ZNF184: variants seen among roughly 807,000 people sequenced by gnomAD.
The protein encoded by ZNF184 is zinc finger protein 184 (Kruppel-like).
In ZNF184, 16 loss-of-function variants were observed where a neutral mutation model predicts 54.4. That is an observed-to-expected ratio of 0.29 (90% CI 0.20 to 0.45). The LOEUF (loss-of-function observed/expected upper bound fraction) is 0.45, where lower values mean the gene tolerates loss of function less well. Ranked by LOEUF, ZNF184 falls within the 20% of genes least tolerant of loss-of-function variation. The probability of loss-of-function intolerance (pLI) is 1.00; values close to 1 mark genes in which losing one functional copy is unlikely to be tolerated. For missense variants in ZNF184, 681 were observed against 888.2 expected (o/e 0.77, Z 2.97); for synonymous variants, 254 against 295.3 (o/e 0.86, Z 1.43).
chr6:27,407,337 C>T, the ZNF184 span, among the ~76,000 whole-genome samples: 1 of 152,246 alleles, frequency 6.6e-6, no homozygotes, highest in South Asian at 2.1e-4. Flanking sequence ...GAGCCAGCTG[C>T]TCCCACACAC....
At chr6:27,459,850 T>C (rs1762954300) in intron 3 of ZNF184, among the ~76,000 whole-genome samples, 1 of 152,222 alleles carries the variant, frequency 6.6e-6, no homozygotes, top group South Asian at 2.1e-4. Flanking sequence ...TGTATATCTA[T>C]ACGTACTCAT....
chr6:27,423,964 A>G, the ZNF184 span, among the ~76,000 whole-genome samples: 5 of 152,298 alleles, frequency 3.3e-5, no homozygotes, highest in East Asian at 1.9e-4. Flanking sequence ...AAATTATTTT[A>G]TTAGTTGTTG....
At chr6:27,415,588 G>A in the ZNF184 span, among the ~76,000 whole-genome samples, 1 of 152,114 alleles carries the variant, frequency 6.6e-6, no homozygotes, top group African/African-American at 2.4e-5. Flanking sequence ...TTAGTCTCAG[G>A]TTGCCAAGGT....
At chr6:27,424,918 T>C in the ZNF184 span, among the ~76,000 whole-genome samples, 2 of 152,014 alleles carry the variant, frequency 1.3e-5, no homozygotes, top group African/African-American at 2.4e-5. Flanking sequence ...CAGGAGCCCA[T>C]GGAGGGGGTG....
the ZNF184 span, among the ~76,000 whole-genome samples, chr6:27,435,982 CTAAAT>C: frequency 6.7e-6 from 1 of 149,996 alleles, no homozygotes; most frequent in Non-Finnish European, 1.5e-5. Flanking sequence ...CTTAACGATC[CTAAAT>C]TAAAGAATAT....
chr6:27,459,438 A>G (rs1234588093), intron 3 of ZNF184, among the ~76,000 whole-genome samples: 1 of 152,126 alleles, frequency 6.6e-6, no homozygotes, highest in Admixed American at 6.5e-5. Flanking sequence ...AAGGCCAACA[A>G]CCCAAATAGG....
At chr6:27,408,059 T>C in the ZNF184 span, 1 of 852,526 alleles carries the variant, frequency 1.2e-6, no homozygotes, top group East Asian at 2.4e-5. Context: ...ATTGAATACT[T>C]TGATAATGCA....
chr6:27,469,278 G>T (rs747211439), intron 2 of ZNF184, among the ~76,000 whole-genome samples: 17 of 152,182 alleles, frequency 1.1e-4, no homozygotes, highest in Admixed American at 2.0e-4. Context: ...AAGACAAGAA[G>T]AATTTTCTCC....
At chr6:27,411,279 C>T in the ZNF184 span, among the ~76,000 whole-genome samples, 1 of 152,162 alleles carries the variant, frequency 6.6e-6, no homozygotes. Flanking sequence ...AATGAGTTCT[C>T]ATGATTTAAT....
intron 3 of ZNF184, among the ~76,000 whole-genome samples, chr6:27,464,385 T>C (rs1284764199): frequency 6.6e-6 from 1 of 152,084 alleles, no homozygotes; most frequent in Non-Finnish European, 1.5e-5. Context: ...GGAATGGAAA[T>C]ACACTATTCT....
chr6:27,406,193 T>C, the ZNF184 span: 2 of 152,188 alleles, frequency 1.3e-5, no homozygotes, highest in African/African-American at 4.8e-5. Flanking sequence ...TTGAGAAGAA[T>C]GCATTGGTCA....
In ZNF184 at chr6:27,472,453, G is replaced by A. The variant is rs145998198; in HGVS notation, c.-139-20C>T. 1 of 830,794 alleles carries A rather than the reference G, an allele frequency of 1.2e-6. No individual in the cohort carries two copies. The highest frequency in any genetic ancestry group is 1.7e-5 in the African/African-American group (1 of 59,206). 51.5% of individuals were successfully genotyped at this position (830,794 alleles called of 1,614,324 possible). A position where few individuals can be genotyped will look rare whatever the true frequency, so the allele number is the denominator to read the frequency against. ...TCTACCCTAAAAGACACAGGATGGCGTCAGCAGCATACGTCACACAATCAC... is the reference window on the plus strand; with the variant it reads ...TCTACCCTAAAAGACACAGGATGGCATCAGCAGCATACGTCACACAATCAC... On this transcript the variant is annotated intron_variant, in intron 1 of 5. Transcript: ENST00000683788. This position sits in a 1 kb window ranked among gnomAD's most constrained non-coding sequence, Gnocchi z 4.8.
At chr6:27,446,145 A>G (rs13195040), downstream of ZNF184, among the ~76,000 whole-genome samples, 13,121 of 152,312 alleles carry the variant, frequency 0.086, 709 homozygotes, top group African/African-American at 0.14. Context: ...GGAGATAAAC[A>G]TGGACAAAAG....
In ZNF184 at chr6:27,452,826, TATG is replaced by T; in HGVS notation, c.730_732del (p.His244del). On this transcript the variant is annotated inframe_deletion, in exon 6 of 6. Transcript: ENST00000683788. The surrounding 1 kb of genome is among the most constrained non-coding windows in gnomAD (Gnocchi z 5.5). ...TTACATTTGTAGGGTTTTTCTCCAG[TATG>T]TGTTCTCTGATGGCGAATAAGAGCT... The T allele has an allele frequency of 1.2e-6, 2 of 1,613,956 alleles. No individual in the cohort carries two copies. Among genetic ancestry groups the T allele is most frequent in the Non-Finnish European group, 1.7e-6 (2 of 1,179,970 alleles).
At chr6:27,456,415 T>A (rs918872068) in intron 5 of ZNF184, among the ~76,000 whole-genome samples, 2 of 152,112 alleles carry the variant, frequency 1.3e-5, no homozygotes, top group Non-Finnish European at 2.9e-5. Flanking sequence ...TATTGTGGAG[T>A]AAATCTATTT....
chr6:27,461,889 C>A lies in ZNF184; in HGVS notation c.76-4480G>T, dbSNP rs145831016. Among the ~76,000 whole-genome samples, 16 of 152,324 alleles carry A rather than the reference C, an allele frequency of 1.1e-4. No individual in the cohort carries two copies. The South Asian group carries it at 1.2e-3, about 12-fold the overall frequency. On this transcript the variant is annotated intron_variant, in intron 3 of 5. Transcript: ENST00000683788. ...AAGCAAGGAAAACTGCAGAGGTTCC[C>A]TCTTGAGTATTCAGAAAAGTACCAA...
chr6:27,427,915 C>T, the ZNF184 span, among the ~76,000 whole-genome samples: 1 of 152,202 alleles, frequency 6.6e-6, no homozygotes, highest in Admixed American at 6.5e-5. Context: ...AATTACCTCA[C>T]CATCTATACC....
chr6:27,423,590 A>G, the ZNF184 span, among the ~76,000 whole-genome samples: 1 of 151,784 alleles, frequency 6.6e-6, no homozygotes, highest in African/African-American at 2.4e-5. Context: ...TGTTCTCAGC[A>G]ATACGCACAA....
chr6:27,411,204 G>A, the ZNF184 span, among the ~76,000 whole-genome samples: 214 of 152,294 alleles, frequency 1.4e-3, 1 homozygote, highest in African/African-American at 5.1e-3. Flanking sequence ...CATAGGGGAA[G>A]TGACGGAAGG....
Sources: allele counts gnomAD v4.1 joint callset (sites outside exome capture counted in the v4.1 genomes callset), GRCh38; gene constraint gnomAD v4.1.1; non-coding constraint Gnocchi (gnomAD v3.1); transcripts MANE v1.5; gene names NCBI Gene and HGNC (gene_info 2026-07-23, HGNC 2026-07-21).